Variants in LINGO2 observed in about 807,000 individuals in gnomAD.
The protein encoded by LINGO2 is leucine rich repeat and Ig domain containing 2.
LINGO2 carries 14 observed loss-of-function variants against 30.6 expected under a neutral mutation model. The ratio of observed to expected loss-of-function variants is 0.46; its 90% confidence interval spans 0.30 to 0.72. The LOEUF (loss-of-function observed/expected upper bound fraction) is 0.72. LINGO2 is among the 30% of genes least tolerant of loss of function. LINGO2 has a pLI of 0.07. For synonymous variants in LINGO2, 317 were observed against 288.5 expected, an observed-to-expected ratio of 1.10 and a Z score of -1.00; for missense variants, 729 against 751.7, an observed-to-expected ratio of 0.97 and a Z score of 0.35.
At chr9:28,799,742 C>T in the LINGO2 span, among the ~76,000 whole-genome samples, 1,424 of 152,138 alleles carry the variant, frequency 9.4e-3, 11 homozygotes, top group Non-Finnish European at 0.012. Flanking sequence ...ATAAGTGAGG[C>T]AGATAAAAAG....
the LINGO2 span, among the ~76,000 whole-genome samples, chr9:29,080,749 C>T: frequency 1.3e-5 from 2 of 152,046 alleles, no homozygotes; most frequent in South Asian, 2.1e-4. Context: ...TGTAGTTGAG[C>T]GGTTTTGAGT....
At chr9:28,719,317 C>T in the LINGO2 span, among the ~76,000 whole-genome samples, 385 of 152,136 alleles carry the variant, frequency 2.5e-3, 2 homozygotes, top group African/African-American at 9.0e-3. Flanking sequence ...ACCTCCTTCC[C>T]TGAAGGAACT....
intron 1 of LINGO2, among the ~76,000 whole-genome samples, chr9:28,605,096 G>A (rs1255188631): frequency 6.6e-6 from 1 of 151,874 alleles, no homozygotes; most frequent in African/African-American, 2.4e-5. Context: ...CGTAGTTATT[G>A]AGAAATAGAA....
the LINGO2 span, among the ~76,000 whole-genome samples, chr9:29,146,240 C>T: frequency 6.6e-6 from 1 of 152,068 alleles, no homozygotes; most frequent in African/African-American, 2.4e-5. Flanking sequence ...CTTGTAATCC[C>T]AGCTACTCGG....
chr9:28,332,096 C>G (rs1195306366), intron 3 of LINGO2, among the ~76,000 whole-genome samples: 1 of 151,992 alleles, frequency 6.6e-6, no homozygotes, highest in Non-Finnish European at 1.5e-5. Context: ...CAGTTATGTG[C>G]CATTTAAGTA....
chr9:28,255,740 C>G (rs887807524), intron 4 of LINGO2, among the ~76,000 whole-genome samples: 2 of 152,044 alleles, frequency 1.3e-5, no homozygotes, highest in African/African-American at 4.8e-5. Context: ...AGTTCTTTAA[C>G]TTTGCAATTC....
intron 4 of LINGO2, among the ~76,000 whole-genome samples, chr9:28,042,332 AAATC>A (rs1438931549): frequency 1.3e-5 from 2 of 152,192 alleles, no homozygotes; most frequent in Admixed American, 6.5e-5. Context: ...TACCCTGAGG[AAATC>A]AATCAGCTCC....
chr9:28,638,028 T>C (rs1369414765), intron 1 of LINGO2, among the ~76,000 whole-genome samples: 3 of 152,178 alleles, frequency 2.0e-5, no homozygotes, highest in African/African-American at 4.8e-5. Context: ...GTTTTTAGCA[T>C]GAAGGTTGTT....
the LINGO2 span, among the ~76,000 whole-genome samples, chr9:28,898,652 G>A: frequency 1.3e-5 from 2 of 151,982 alleles, no homozygotes; most frequent in Non-Finnish European, 2.9e-5. Flanking sequence ...ATAGGAATGG[G>A]AGTTGCTTTC....
the LINGO2 span, among the ~76,000 whole-genome samples, chr9:28,740,110 C>A: frequency 6.7e-6 from 1 of 150,330 alleles, no homozygotes; most frequent in Admixed American, 6.6e-5. Flanking sequence ...ATATGTGTTG[C>A]GTGATCTTAA....
At chr9:28,748,790 TAGC>T in the LINGO2 span, among the ~76,000 whole-genome samples, 16 of 152,076 alleles carry the variant, frequency 1.1e-4, no homozygotes, top group Middle Eastern at 3.4e-3. Context: ...TCCAAACCTT[TAGC>T]AGAAGTATAG....
At chr9:29,041,680 C>T in the LINGO2 span, among the ~76,000 whole-genome samples, 1 of 151,972 alleles carries the variant, frequency 6.6e-6, no homozygotes, top group Non-Finnish European at 1.5e-5. Flanking sequence ...ACTTAGGTGT[C>T]AAACTAAAAG....
chr9:28,561,589 T>TATAATATAATGTGTTTAAAG (rs1823061153), intron 1 of LINGO2, among the ~76,000 whole-genome samples: 2 of 135,722 alleles, frequency 1.5e-5, no homozygotes, highest in African/African-American at 5.3e-5. Context: ...TGTGTTTATA[T>TATAATATAATGTGTTTAAAG]ATTATATATA....
At chr9:27,973,308 G>GCT (rs1587582308) in intron 5 of LINGO2, among the ~76,000 whole-genome samples, 2 of 152,150 alleles carry the variant, frequency 1.3e-5, no homozygotes, top group East Asian at 3.9e-4. Flanking sequence ...TCCTGGAAGA[G>GCT]TATAACAGGG....
At chr9:29,192,937 G>A in the LINGO2 span, among the ~76,000 whole-genome samples, 6 of 152,168 alleles carry the variant, frequency 3.9e-5, no homozygotes, top group Admixed American at 2.6e-4. Context: ...ACTGACAGGC[G>A]TTGTGGTATC....
At chr9:28,685,598 A>T in the LINGO2 span, among the ~76,000 whole-genome samples, 2 of 152,088 alleles carry the variant, frequency 1.3e-5, no homozygotes, top group Non-Finnish European at 1.5e-5. Context: ...CTCATAATTG[A>T]TCTTCACATG....
At chr9:28,594,495 T>C (rs1419539835) in intron 1 of LINGO2, among the ~76,000 whole-genome samples, 3 of 152,112 alleles carry the variant, frequency 2.0e-5, no homozygotes, top group Non-Finnish European at 4.4e-5. Context: ...AGGGGATGCC[T>C]AGTTGTACTT....
intron 2 of LINGO2, among the ~76,000 whole-genome samples, chr9:28,414,385 C>T (rs1465515136): frequency 6.6e-6 from 1 of 152,016 alleles, no homozygotes; most frequent in African/African-American, 2.4e-5. Flanking sequence ...GTTAAATACA[C>T]ATAAATGGAT....
chr9:28,752,009 A>G, the LINGO2 span, among the ~76,000 whole-genome samples: 2 of 152,076 alleles, frequency 1.3e-5, no homozygotes, highest in Non-Finnish European at 2.9e-5. Context: ...TAAAAACCAT[A>G]TTATAATTTA....
Sources: gnomAD v4.1 joint callset for allele counts (sites outside exome capture counted in the v4.1 genomes callset) on GRCh38, gnomAD v4.1.1 for gene constraint, MANE v1.5 for transcripts, NCBI Gene and HGNC (gene_info 2026-07-23, HGNC 2026-07-21) for gene names.